SV2C: variants seen among roughly 807,000 people sequenced by gnomAD.
The protein encoded by SV2C is synaptic vesicle glycoprotein 2C, also known as solute carrier family 22 member B3.
Under a neutral mutation model 79.7 loss-of-function variants are expected in SV2C, and 49 were observed. That is an observed-to-expected ratio of 0.61 (90% CI 0.49 to 0.78). SV2C has a LOEUF of 0.78. SV2C is among the 30% of genes least tolerant of loss of function. The pLI is 0.00. For missense variants in SV2C, 833 were observed against 912.9 expected, an observed-to-expected ratio of 0.91 and a Z score of 1.13; for synonymous variants, 334 against 333.2, an observed-to-expected ratio of 1.00 and a Z score of -0.03.
At chr5:76,078,851 T>G (rs961834880), upstream of SV2C, 12 of 581,648 alleles carry the variant, frequency 2.1e-5, no homozygotes, top group Non-Finnish European at 3.8e-5. Context: ...TTTGCCAATT[T>G]GAGAATTTAC....
At chr5:75,921,390 G>T in the SV2C span, 1 of 846,828 alleles carries the variant, frequency 1.2e-6, no homozygotes, top group Non-Finnish European at 2.1e-6. Flanking sequence ...TCCTGCCCTG[G>T]GTCAAACTGC....
intron 4 of SV2C, among the ~76,000 whole-genome samples, chr5:76,239,867 C>T (rs924058250): frequency 6.6e-6 from 1 of 152,256 alleles, no homozygotes; most frequent in African/African-American, 2.4e-5. Flanking sequence ...TGATGTGGAT[C>T]GCTAGGGGCA....
the SV2C span, among the ~76,000 whole-genome samples, chr5:76,009,973 A>G: frequency 6.8e-6 from 1 of 146,940 alleles, no homozygotes; most frequent in African/African-American, 2.5e-5. Flanking sequence ...TGTCATGTAA[A>G]CTTTACTTAT....
At chr5:76,197,195 G>C (rs1458285085) in intron 3 of SV2C, among the ~76,000 whole-genome samples, 1 of 152,202 alleles carries the variant, frequency 6.6e-6, no homozygotes, top group Non-Finnish European at 1.5e-5. Context: ...ATGATGTATT[G>C]AAAGTACAAG....
intron 2 of SV2C, among the ~76,000 whole-genome samples, chr5:76,189,439 G>A (rs1744028630): frequency 6.6e-6 from 1 of 152,134 alleles, no homozygotes; most frequent in Admixed American, 6.5e-5. Flanking sequence ...ATTTCTTTAA[G>A]CACAAAGCAT....
At chr5:75,995,229 G>A in the SV2C span, among the ~76,000 whole-genome samples, 11 of 152,116 alleles carry the variant, frequency 7.2e-5, no homozygotes, top group South Asian at 2.1e-4. Context: ...ATATTGACCC[G>A]CTCTCTGAGC....
intron 4 of SV2C, among the ~76,000 whole-genome samples, chr5:76,265,157 A>G (rs989300721): frequency 6.6e-6 from 1 of 152,204 alleles, no homozygotes; most frequent in African/African-American, 2.4e-5. Flanking sequence ...TGCCCAGAGA[A>G]GAGGAATCTA....
intron 1 of SV2C, among the ~76,000 whole-genome samples, chr5:76,121,799 G>A (rs1337731796): frequency 1.3e-5 from 2 of 151,726 alleles, no homozygotes; most frequent in Admixed American, 6.6e-5. Flanking sequence ...AAGTCAGGTA[G>A]CGTGATGCCT....
chr5:76,230,860 G>A (rs910110538), intron 4 of SV2C, among the ~76,000 whole-genome samples: 6 of 152,100 alleles, frequency 3.9e-5, no homozygotes, highest in African/African-American at 7.2e-5. Flanking sequence ...ACATAGTCCT[G>A]GACTATGAAT....
At chr5:76,238,043 C>CACACAT (rs1267246008) in intron 4 of SV2C, among the ~76,000 whole-genome samples, 9 of 103,480 alleles carry the variant, frequency 8.7e-5, no homozygotes, top group African/African-American at 7.0e-4. Context: ...CACACACACA[C>CACACAT]ACACACACAC....
At chr5:76,073,501 GTGTATATATATATATATATATATATA>G in the SV2C span, among the ~76,000 whole-genome samples, 852 of 87,254 alleles carry the variant, frequency 9.8e-3, 22 homozygotes, top group African/African-American at 0.033. Flanking sequence ...ATGTATGTGT[GTGTATATATATATATATATATATATA>G]TATATATATA....
chr5:76,266,697 T>G (rs1580003297), intron 4 of SV2C, among the ~76,000 whole-genome samples: 1 of 152,246 alleles, frequency 6.6e-6, no homozygotes. Flanking sequence ...GGGTAGAGTT[T>G]CAGTTTGGGA....
chr5:76,139,850 G>GACAGTTTTT, intron 2 of SV2C, among the ~76,000 whole-genome samples: 1 of 68,660 alleles, frequency 1.5e-5, no homozygotes, highest in Non-Finnish European at 4.4e-5. Flanking sequence ...AGAAGCTCTT[G>GACAGTTTTT]AAAGTATTTT....
At chr5:76,234,946 T>C (rs1163071308) in intron 4 of SV2C, among the ~76,000 whole-genome samples, 1 of 152,192 alleles carries the variant, frequency 6.6e-6, no homozygotes, top group Non-Finnish European at 1.5e-5. Context: ...AATTATTTAC[T>C]GCGTTTGCTA....
intron 9 of SV2C, among the ~76,000 whole-genome samples, chr5:76,296,796 G>T (rs2112515644): frequency 6.6e-6 from 1 of 152,260 alleles, no homozygotes; most frequent in Middle Eastern, 3.4e-3. Flanking sequence ...GGAAAAGAGG[G>T]TTACTAACTA....
the SV2C span, among the ~76,000 whole-genome samples, chr5:75,858,950 T>A: frequency 6.6e-6 from 1 of 152,164 alleles, no homozygotes; most frequent in Admixed American, 6.5e-5. Context: ...TTCTTTTTCA[T>A]CCCTGATTTT....
At chr5:76,016,421 G>A in the SV2C span, among the ~76,000 whole-genome samples, 1 of 152,090 alleles carries the variant, frequency 6.6e-6, no homozygotes, top group Non-Finnish European at 1.5e-5. Context: ...CATGGAATGA[G>A]GATGAGGAGG....
the SV2C span, among the ~76,000 whole-genome samples, chr5:75,862,803 T>A: frequency 6.6e-6 from 1 of 152,316 alleles, no homozygotes; most frequent in South Asian, 2.1e-4. Context: ...CACAGTGATA[T>A]CCAAATCTCA....
At chr5:75,943,297 A>G in the SV2C span, among the ~76,000 whole-genome samples, 1 of 152,172 alleles carries the variant, frequency 6.6e-6, no homozygotes, top group African/African-American at 2.4e-5. Flanking sequence ...GGGTACAAGT[A>G]CTGATGGTTA....
Sources: gnomAD v4.1 joint callset for allele counts (sites outside exome capture counted in the v4.1 genomes callset) on GRCh38, gnomAD v4.1.1 for gene constraint, MANE v1.5 for transcripts, NCBI Gene and HGNC (gene_info 2026-07-23, HGNC 2026-07-21) for gene names.